GPATCH2: variants seen among roughly 807,000 people sequenced by gnomAD.
The protein encoded by GPATCH2 is G-patch domain containing 2, also known as G patch domain-containing protein 2.
A neutral mutation model predicts 58.0 loss-of-function variants in GPATCH2; 51 were observed. The ratio of observed to expected loss-of-function variants is 0.88; its 90% confidence interval spans 0.70 to 1.11. The LOEUF is 1.11. Among genes scored for constraint, GPATCH2 ranks in the 50% most tolerant of loss-of-function variants. The pLI is 0.00. For synonymous variants in GPATCH2, 222 were observed against 218.5 expected (o/e 1.02, Z -0.14); for missense variants, 625 against 652.2 (o/e 0.96, Z 0.45).
At chr1:217,513,932 C>T (rs1365234462) in intron 6 of GPATCH2, among the ~76,000 whole-genome samples, 1 of 151,468 alleles carries the variant, frequency 6.6e-6, no homozygotes, top group Non-Finnish European at 1.5e-5. Flanking sequence ...TCTAGTGAGT[C>T]TCCCGTCTCA....
At chr1:217,569,705 T>A (rs1179205160) in intron 5 of GPATCH2, among the ~76,000 whole-genome samples, 2 of 151,822 alleles carry the variant, frequency 1.3e-5, no homozygotes, top group African/African-American at 4.8e-5. Context: ...CAAAAATAAA[T>A]AATTAAATGA....
chr1:217,506,233 C>T (rs900973811), intron 6 of GPATCH2, among the ~76,000 whole-genome samples: 1 of 152,140 alleles, frequency 6.6e-6, no homozygotes, highest in Non-Finnish European at 1.5e-5. Context: ...TAACACTGGT[C>T]TAAGTGGATT....
chr1:217,527,917 C>G (rs1431391115), intron 5 of GPATCH2, among the ~76,000 whole-genome samples: 1 of 152,118 alleles, frequency 6.6e-6, no homozygotes, highest in Non-Finnish European at 1.5e-5. Flanking sequence ...AAAGATTAAA[C>G]AACTACTAAA....
chr1:217,552,498 G>C (rs1665414057), intron 5 of GPATCH2, among the ~76,000 whole-genome samples: 1 of 152,140 alleles, frequency 6.6e-6, no homozygotes, highest in Non-Finnish European at 1.5e-5. Flanking sequence ...AGGGAGAAGA[G>C]TCTATGTTCA....
chr1:217,545,556 C>T (rs1664997369), intron 5 of GPATCH2, among the ~76,000 whole-genome samples: 1 of 152,196 alleles, frequency 6.6e-6, no homozygotes, highest in African/African-American at 2.4e-5. Context: ...ATCTGTCCTT[C>T]ATTGAATGTC....
chr1:217,449,929 T>C (rs1220147069), intron 8 of GPATCH2, among the ~76,000 whole-genome samples: 4 of 152,170 alleles, frequency 2.6e-5, no homozygotes, highest in African/African-American at 9.7e-5. Context: ...CATTCTAACA[T>C]GATACTGGAT....
At chr1:217,585,133 T>C (rs1667277770) in intron 5 of GPATCH2, among the ~76,000 whole-genome samples, 1 of 152,122 alleles carries the variant, frequency 6.6e-6, no homozygotes, top group Non-Finnish European at 1.5e-5. Context: ...TTTTGTCTGT[T>C]TGGGTACTAT....
At chr1:217,539,752 G>T (rs1332086597) in intron 5 of GPATCH2, among the ~76,000 whole-genome samples, 1 of 152,116 alleles carries the variant, frequency 6.6e-6, no homozygotes, top group Non-Finnish European at 1.5e-5. Context: ...AAATCTTAAC[G>T]ATCACAGCCT....
chr1:217,609,450 T>C (rs1274014064), intron 5 of GPATCH2: 5 of 983,444 alleles, frequency 5.1e-6, no homozygotes, highest in Non-Finnish European at 6.0e-6. Context: ...GGTAAATGAT[T>C]CTACTAGTGC....
At position 217,523,689 on chromosome 1, in the gene GPATCH2, T is replaced by C. The variant is rs531978853; in HGVS notation, c.1099-8800A>G. Among the ~76,000 whole-genome samples, 12 of 151,502 alleles carry C rather than the reference T, an allele frequency of 7.9e-5. No individual in the cohort carries two copies. The South Asian group carries it at 1.2e-3, about 16-fold the overall frequency. On this transcript the variant is annotated intron_variant, in intron 5 of 9. Transcript: ENST00000366935. ...GGCCCATTCTCAATGAGCTGTTGGG[T>C]ACACCTCCCAGACGGGGTGGTGGCC... is the stretch of plus-strand genomic sequence containing the variant.
rs1218621914 is a variant in GPATCH2, at chr1:217,427,960, T to C, written c.*3185A>G. 1.3e-5 allele frequency: 2 copies of C among 152,186 alleles called. No homozygotes were observed. Among genetic ancestry groups the C allele is most frequent in the Non-Finnish European group, 2.9e-5 (2 of 68,014 alleles). 9.4% of individuals were successfully genotyped at this position (152,186 alleles called of 1,614,324 possible). A position where few individuals can be genotyped will look rare whatever the true frequency, so the allele number is the denominator to read the frequency against. ...GATAGCCACAGTATGAGTTATAAAA[T>C]ATATGGTATTTAAATGCTGAGACCA... On this transcript the variant is annotated 3_prime_UTR_variant, in exon 10 of 10. Coordinates refer to ENST00000366935, the MANE Select transcript of GPATCH2 (RefSeq NM_018040.5).
intron 5 of GPATCH2, among the ~76,000 whole-genome samples, chr1:217,538,820 C>T (rs1478801350): frequency 6.6e-6 from 1 of 152,202 alleles, no homozygotes; most frequent in African/African-American, 2.4e-5. Flanking sequence ...TCACACTTAA[C>T]AGTGTTGGGT....
intron 2 of GPATCH2, among the ~76,000 whole-genome samples, chr1:217,616,906 C>T (rs554228123): frequency 6.6e-6 from 1 of 152,266 alleles, no homozygotes; most frequent in Non-Finnish European, 1.5e-5. Flanking sequence ...GTCAGTCAAC[C>T]TCCCATCGAT....
rs1333431230 is a variant in GPATCH2 at position 217,427,360 on chromosome 1, T to A, written c.*3785A>T. 1.3e-5 allele frequency: 2 copies of A among 152,286 alleles called. No individual in the cohort carries two copies. The highest frequency in any genetic ancestry group is 6.5e-5 in the Admixed American group (1 of 15,296). 9.4% of individuals were successfully genotyped at this position (152,286 alleles called of 1,614,324 possible). A position where few individuals can be genotyped will look rare whatever the true frequency, so the allele number is the denominator to read the frequency against. On this transcript the variant is annotated 3_prime_UTR_variant, in exon 10 of 10. Transcript: ENST00000366935. ...TACATTTACCAATATTTTTCTCTAA[T>A]TTTTTTGAGATATTGAAATTTTTCG...
intron 7 of GPATCH2, among the ~76,000 whole-genome samples, chr1:217,497,697 T>C (rs1271478258): frequency 6.6e-6 from 1 of 152,172 alleles, no homozygotes; most frequent in Admixed American, 6.6e-5. Flanking sequence ...AAAATAACTT[T>C]TATCATTCAC....
intron 8 of GPATCH2, among the ~76,000 whole-genome samples, chr1:217,466,860 AGG>A (rs1660477499): frequency 7.6e-6 from 1 of 130,954 alleles, no homozygotes. Flanking sequence ...TCTTAAAAAC[AGG>A]GAAACAAAAG....
intron 7 of GPATCH2, chr1:217,495,175 G>A (rs1661951039): frequency 5.5e-6 from 1 of 182,436 alleles, no homozygotes; most frequent in South Asian, 1.8e-4. Flanking sequence ...ATTAAACCAG[G>A]AAGAAAAGTA....
intron 8 of GPATCH2, among the ~76,000 whole-genome samples, chr1:217,451,970 G>A (rs1385252218): frequency 6.6e-6 from 1 of 152,226 alleles, no homozygotes; most frequent in Non-Finnish European, 1.5e-5. Context: ...GGAGTTATGA[G>A]TAGTTCAGGA....
chr1:217,575,208 A>T (rs1161865692), intron 5 of GPATCH2, among the ~76,000 whole-genome samples: 2 of 152,182 alleles, frequency 1.3e-5, no homozygotes, highest in African/African-American at 2.4e-5. Context: ...CTCAAAGCTG[A>T]CCTATGGTTT....
Sources: gnomAD v4.1 joint callset for allele counts (sites outside exome capture counted in the v4.1 genomes callset) on GRCh38, gnomAD v4.1.1 for gene constraint, MANE v1.5 for transcripts, NCBI Gene and HGNC (gene_info 2026-07-23, HGNC 2026-07-21) for gene names.